HS6ST3: variants seen among roughly 807,000 people sequenced by gnomAD.
The protein encoded by HS6ST3 is heparan sulfate 6-O-sulfotransferase 3.
Under a neutral mutation model 36.7 loss-of-function variants are expected in HS6ST3, and 12 were observed. The observed-to-expected ratio is 0.33, with a 90% CI of 0.21 to 0.53. The LOEUF (loss-of-function observed/expected upper bound fraction) is 0.53, where lower values mean the gene tolerates loss of function less well. Among genes scored for constraint, HS6ST3 ranks in the 20% least tolerant of loss-of-function variants. The pLI is 0.95. For missense variants in HS6ST3, 584 were observed against 640.9 expected (o/e 0.91, Z 0.96); for synonymous variants, 240 against 257.5 (o/e 0.93, Z 0.65).
chr13:96,324,703 G>A (rs2055021765), intron 1 of HS6ST3, among the ~76,000 whole-genome samples: 1 of 152,184 alleles, frequency 6.6e-6, no homozygotes, highest in African/African-American at 2.4e-5. Context: ...TTTGAACACA[G>A]AGACACATAC....
Position 96,576,943 on chromosome 13 carries a change from CAAAAAAAAAAAAAA to C in HS6ST3, c.708-255530_708-255517del, listed in dbSNP as rs1157924077. 3.0e-4 allele frequency among the ~76,000 whole-genome samples: 8 copies of C among 26,850 alleles called. 1 individual carries two copies. Among genetic ancestry groups the C allele is most frequent in the South Asian group, 3.6e-3 (2 of 552 alleles). The allele number at this position is 26,850 out of a possible 152,430, so 17.6% of individuals were successfully genotyped here. On this transcript the variant is annotated intron_variant, in intron 1 of 1. Transcript: ENST00000376705. ...TGGGAAACAGAGTGAGACTCTGTCT[CAAAAAAAAAAAAAA>C]AAAAAAAAAAAAAAAAGTTGCTCTA...
intron 1 of HS6ST3, among the ~76,000 whole-genome samples, chr13:96,616,282 A>G (rs183000362): frequency 1.2e-4 from 18 of 152,306 alleles, no homozygotes; most frequent in African/African-American, 4.3e-4. Context: ...CTAGAAATCA[A>G]TGCTAAGATT....
intron 1 of HS6ST3, among the ~76,000 whole-genome samples, chr13:96,304,679 T>TTTTC (rs56363761): frequency 0.19 from 16,123 of 87,140 alleles, 2,579 homozygotes; most frequent in Non-Finnish European, 0.24. Context: ...TGTTGCATGT[T>TTTTC]TTTCTTTCTT....
intron 1 of HS6ST3, among the ~76,000 whole-genome samples, chr13:96,803,891 A>G (rs905727073): frequency 7.9e-5 from 12 of 152,074 alleles, no homozygotes; most frequent in Admixed American, 2.0e-4. Flanking sequence ...ATTATGCAAA[A>G]AAGACATTTC....
chr13:96,390,004 T>G, intron 1 of HS6ST3, among the ~76,000 whole-genome samples: 1 of 152,270 alleles, frequency 6.6e-6, no homozygotes, highest in Non-Finnish European at 1.5e-5. Flanking sequence ...TTTCTTTTTT[T>G]GGTTCTTTCT....
At chr13:96,771,393 A>G (rs1010982890) in intron 1 of HS6ST3, among the ~76,000 whole-genome samples, 39 of 152,328 alleles carry the variant, frequency 2.6e-4, no homozygotes, top group African/African-American at 9.1e-4. Flanking sequence ...CACGTTGTGC[A>G]CATGTACCCT....
rs150759372 is a variant in HS6ST3, at chr13:96,346,873, T to C, written c.707+255304T>C. ...GAGGATGTCACTTCCATGATTAGGT[T>C]ACAAGAAATCATGACTGCTATCATG... On this transcript the variant is annotated intron_variant, in intron 1 of 1. Transcript: ENST00000376705. 3.9e-5 allele frequency among the ~76,000 whole-genome samples: 6 copies of C among 152,240 alleles called. No homozygotes were observed. In the East Asian group the frequency reaches 1.2e-3, roughly 30 times the overall value.
intron 1 of HS6ST3, among the ~76,000 whole-genome samples, chr13:96,642,847 A>G (rs1470914065): frequency 6.6e-6 from 1 of 151,962 alleles, no homozygotes; most frequent in Non-Finnish European, 1.5e-5. Context: ...CTTTAAATAT[A>G]TTTAAAATAA....
At chr13:96,112,008 G>A (rs764727364) in intron 1 of HS6ST3, among the ~76,000 whole-genome samples, 3 of 152,144 alleles carry the variant, frequency 2.0e-5, no homozygotes, top group Non-Finnish European at 4.4e-5. Context: ...TATTCCTGAA[G>A]AAGAAAAGTG....
chr13:96,168,824 A>G (rs542963258), intron 1 of HS6ST3, among the ~76,000 whole-genome samples: 1 of 152,204 alleles, frequency 6.6e-6, no homozygotes, highest in East Asian at 1.9e-4. Flanking sequence ...TGGTACATAG[A>G]TATGTTGGGT....
chr13:96,692,260 G>A (rs180682094), intron 1 of HS6ST3, among the ~76,000 whole-genome samples: 29 of 152,122 alleles, frequency 1.9e-4, no homozygotes, highest in Admixed American at 1.7e-3. Context: ...ATCCATGAAT[G>A]CCCAAGTCCC....
intron 1 of HS6ST3, among the ~76,000 whole-genome samples, chr13:96,333,906 G>A (rs989218105): frequency 6.6e-6 from 1 of 152,104 alleles, no homozygotes; most frequent in East Asian, 1.9e-4. Flanking sequence ...CTTATATATA[G>A]CAAGTGGGGT....
At chr13:96,512,168 C>T (rs2056052596) in intron 1 of HS6ST3, among the ~76,000 whole-genome samples, 1 of 152,168 alleles carries the variant, frequency 6.6e-6, no homozygotes, top group Non-Finnish European at 1.5e-5. Flanking sequence ...AAGTAGGCAT[C>T]CTTGCCTCAT....
At chr13:96,379,400 G>A (rs1483113264) in intron 1 of HS6ST3, among the ~76,000 whole-genome samples, 3 of 152,158 alleles carry the variant, frequency 2.0e-5, no homozygotes, top group African/African-American at 2.4e-5. Flanking sequence ...GCCCTCCTGC[G>A]AGGACACAGT....
intron 1 of HS6ST3, among the ~76,000 whole-genome samples, chr13:96,455,590 A>G (rs188827681): frequency 4.1e-4 from 62 of 152,250 alleles, no homozygotes; most frequent in African/African-American, 1.4e-3. Flanking sequence ...TGTGGTCAAT[A>G]TATTTGTGTC....
intron 1 of HS6ST3, among the ~76,000 whole-genome samples, chr13:96,305,348 A>G (rs2054906889): frequency 6.6e-6 from 1 of 152,278 alleles, no homozygotes; most frequent in East Asian, 1.9e-4. Context: ...ATATTCTTTG[A>G]TAGGCAATAA....
chr13:96,099,956 G>T (rs189419276), intron 1 of HS6ST3, among the ~76,000 whole-genome samples: 53 of 152,288 alleles, frequency 3.5e-4, no homozygotes, highest in Admixed American at 2.0e-3. Flanking sequence ...CTTAATGCGT[G>T]TCTGTAAATC....
chr13:96,380,784 CATTT>C (rs2055337128), intron 1 of HS6ST3, among the ~76,000 whole-genome samples: 1 of 152,098 alleles, frequency 6.6e-6, no homozygotes, highest in Non-Finnish European at 1.5e-5. Context: ...CTTTTATGTT[CATTT>C]GTTTCTTCAT....
At chr13:96,225,667 G>T (rs2054477008) in intron 1 of HS6ST3, among the ~76,000 whole-genome samples, 1 of 152,128 alleles carries the variant, frequency 6.6e-6, no homozygotes, top group South Asian at 2.1e-4. Context: ...TTTAATAAAT[G>T]ATACATTTAC....
Sources: gnomAD v4.1 joint callset for allele counts (sites outside exome capture counted in the v4.1 genomes callset) on GRCh38, gnomAD v4.1.1 for gene constraint, MANE v1.5 for transcripts, NCBI Gene and HGNC (gene_info 2026-07-23, HGNC 2026-07-21) for gene names.